Variants in PRKCE observed in about 807,000 individuals in gnomAD.
PRKCE encodes the protein protein kinase C epsilon.
In PRKCE, 16 loss-of-function variants were observed where a neutral mutation model predicts 85.4. That is an observed-to-expected ratio of 0.19 (90% CI 0.13 to 0.28). The LOEUF is 0.28. PRKCE is among the 10% of genes least tolerant of loss of function. The pLI, the probability that PRKCE is intolerant of heterozygous loss-of-function variation, is 1.00. For missense variants in PRKCE, 573 were observed against 975.2 expected, an observed-to-expected ratio of 0.59 and a Z score of 5.49; for synonymous variants, 388 against 371.5, an observed-to-expected ratio of 1.04 and a Z score of -0.51.
intron 1 of PRKCE, among the ~76,000 whole-genome samples, chr2:45,778,119 A>AGGGGTGGGGGGGGG (rs1685899585): frequency 3.6e-5 from 1 of 28,126 alleles, no homozygotes; most frequent in African/African-American, 1.4e-4. Flanking sequence ...GGTGGGAGGG[A>AGGGGTGGGGGGGGG]GGGGTGGGTT....
chr2:45,914,252 G>C (rs958783387), intron 2 of PRKCE, among the ~76,000 whole-genome samples: 1 of 152,226 alleles, frequency 6.6e-6, no homozygotes, highest in Non-Finnish European at 1.5e-5. Context: ...GCCAGGTGGA[G>C]GGTAAATGCT....
intron 1 of PRKCE, among the ~76,000 whole-genome samples, chr2:45,745,081 G>T (rs1447992171): frequency 6.6e-6 from 1 of 152,190 alleles, no homozygotes; most frequent in Non-Finnish European, 1.5e-5. Flanking sequence ...GCTATGGGGA[G>T]GCAGGGAGTG....
rs149341375 is a variant in PRKCE, at chr2:45,785,911, G to A, written c.349-57089G>A. Among the ~76,000 whole-genome samples the A allele has an allele frequency of 1.6e-3, 238 of 152,314 alleles. 1 individual carries two copies. The highest frequency in any genetic ancestry group is 5.5e-3 in the African/African-American group (228 of 41,562). On this transcript the variant is annotated intron_variant, in intron 1 of 14. Coordinates refer to ENST00000306156, the MANE Select transcript of PRKCE (RefSeq NM_005400.3). ...CAGACTGAGCTGTTGGAGTAAGATGGAGACAGCAGGGATGGCTCGTTGCCT... is the reference window on the plus strand; with the variant it reads ...CAGACTGAGCTGTTGGAGTAAGATGAAGACAGCAGGGATGGCTCGTTGCCT...
At chr2:46,113,967 C>A (rs1319515641) in intron 11 of PRKCE, among the ~76,000 whole-genome samples, 2 of 152,156 alleles carry the variant, frequency 1.3e-5, no homozygotes, top group Non-Finnish European at 2.9e-5. Context: ...TATTCATCTT[C>A]CTTTGTTTCA....
chr2:45,964,313 T>G (rs1408234989), intron 2 of PRKCE, among the ~76,000 whole-genome samples: 1 of 152,222 alleles, frequency 6.6e-6, no homozygotes, highest in African/African-American at 2.4e-5. Flanking sequence ...GGCCAGAACC[T>G]GGCCTCATGG....
intron 1 of PRKCE, among the ~76,000 whole-genome samples, chr2:45,781,485 A>G (rs1686184527): frequency 6.6e-6 from 1 of 151,924 alleles, no homozygotes; most frequent in South Asian, 2.1e-4. Flanking sequence ...CTTAATGACA[A>G]TTTGTTTGTT....
At chr2:45,686,733 C>G (rs1425484151) in intron 1 of PRKCE, among the ~76,000 whole-genome samples, 4 of 151,918 alleles carry the variant, frequency 2.6e-5, no homozygotes, top group Non-Finnish European at 4.4e-5. Flanking sequence ...TATATTTAAA[C>G]TATATTTAAG....
At chr2:45,862,346 C>T (rs1040471104) in intron 2 of PRKCE, among the ~76,000 whole-genome samples, 2 of 152,222 alleles carry the variant, frequency 1.3e-5, no homozygotes, top group Non-Finnish European at 2.9e-5. Context: ...TCACCACCTC[C>T]ATGTCACCTC....
chr2:45,677,884 A>T, intron 1 of PRKCE: 2 of 985,506 alleles, frequency 2.0e-6, no homozygotes, highest in South Asian at 9.4e-5. Flanking sequence ...AGGCCAGGAC[A>T]CCACGGAAGT....
At chr2:45,982,438 G>A (rs1036351164) in intron 5 of PRKCE, among the ~76,000 whole-genome samples, 2 of 152,140 alleles carry the variant, frequency 1.3e-5, no homozygotes, top group African/African-American at 4.8e-5. Flanking sequence ...TGAACACTCG[G>A]CCGGTCCCCC....
At chr2:45,882,748 C>T (rs368055952) in intron 2 of PRKCE, among the ~76,000 whole-genome samples, 16 of 152,356 alleles carry the variant, frequency 1.1e-4, no homozygotes, top group African/African-American at 3.6e-4. Flanking sequence ...GCCTTAAGAG[C>T]TGGAATCTGA....
At chr2:45,991,468 T>G (rs945185043) in intron 6 of PRKCE, among the ~76,000 whole-genome samples, 1 of 152,228 alleles carries the variant, frequency 6.6e-6, no homozygotes, top group South Asian at 2.1e-4. Context: ...TGCATAGTTA[T>G]ATAATTTGCT....
At position 46,185,556 on chromosome 2, in the gene PRKCE, G is replaced by A. The variant is rs953114878; in HGVS notation, c.*675G>A. The A allele has an allele frequency of 2.0e-5, 3 of 152,612 alleles. No individual in the cohort carries two copies. The highest frequency in any genetic ancestry group is 4.4e-5 in the Non-Finnish European group (3 of 68,058). 9.5% of individuals were successfully genotyped at this position (152,612 alleles called of 1,614,324 possible). A position where few individuals can be genotyped will look rare whatever the true frequency, so the allele number is the denominator to read the frequency against. ...ATCCTCTTTGTGGAAAAAGAAACAG[G>A]GTTTTGAACTCTGTTAACATTTGAA... On this transcript the variant is annotated 3_prime_UTR_variant, in exon 15 of 15. Transcript: ENST00000306156. The surrounding 1 kb of genome is among the most constrained non-coding windows in gnomAD (Gnocchi z 4.7).
chr2:45,920,682 A>G (rs1346151339), intron 2 of PRKCE, among the ~76,000 whole-genome samples: 1 of 152,190 alleles, frequency 6.6e-6, no homozygotes, highest in African/African-American at 2.4e-5. Context: ...AGAACAGGGA[A>G]ATCCATGGAG....
At chr2:45,901,882 A>G (rs900000088) in intron 2 of PRKCE, among the ~76,000 whole-genome samples, 1 of 152,204 alleles carries the variant, frequency 6.6e-6, no homozygotes, top group Non-Finnish European at 1.5e-5. Context: ...AGGTGCGGTA[A>G]AAGAGTATGG....
intron 6 of PRKCE, among the ~76,000 whole-genome samples, chr2:45,994,550 T>C (rs1037453422): frequency 6.6e-6 from 1 of 152,234 alleles, no homozygotes; most frequent in African/African-American, 2.4e-5. Context: ...GGGGATAGCC[T>C]TTTGAGATTG....
intron 1 of PRKCE, among the ~76,000 whole-genome samples, chr2:45,716,204 G>A (rs188858060): frequency 1.1e-3 from 169 of 152,264 alleles, no homozygotes; most frequent in African/African-American, 4.0e-3. Flanking sequence ...GTATTACTTC[G>A]TTCTCATGCT....
In PRKCE at chr2:45,832,061, T is replaced by C. The variant is rs577023074; in HGVS notation, c.349-10939T>C. ...TAGTTTTTTATAAAACTGTTCTTTTTCTCACAGGACATGGTTCCAACTAAA... is the reference window on the plus strand; with the variant it reads ...TAGTTTTTTATAAAACTGTTCTTTTCCTCACAGGACATGGTTCCAACTAAA... On this transcript the variant is annotated intron_variant, in intron 1 of 14. Transcript: ENST00000306156. Among the ~76,000 whole-genome samples the C allele has an allele frequency of 2.6e-5, 4 of 152,328 alleles. No individual in the cohort carries two copies. In the South Asian group the frequency reaches 6.2e-4, roughly 24 times the overall value.
At position 45,958,813 on chromosome 2, in the gene PRKCE, TATA is replaced by T. The variant is rs1489087681; in HGVS notation, c.413-17615_413-17613del. Among the ~76,000 whole-genome samples the T allele has an allele frequency of 3.0e-3, 81 of 27,400 alleles. 4 individuals carry two copies. In the East Asian group the frequency reaches 0.054, roughly 18 times the overall value. The allele number at this position is 27,400 out of a possible 152,430, so 18.0% of individuals were successfully genotyped here. On this transcript the variant is annotated intron_variant, in intron 2 of 14. Transcript: ENST00000306156. ...AAACATATATATATATATATATATATATATTTTTTTTTTTTTTTTTTTTTTTTT... is the reference window on the plus strand; with the variant it reads ...AAACATATATATATATATATATATATTTTTTTTTTTTTTTTTTTTTTTTTT...
Sources: allele counts gnomAD v4.1 joint callset (sites outside exome capture counted in the v4.1 genomes callset), GRCh38; gene constraint gnomAD v4.1.1; non-coding constraint Gnocchi (gnomAD v3.1); transcripts MANE v1.5; gene names NCBI Gene and HGNC (gene_info 2026-07-23, HGNC 2026-07-21).